NFATC1: variants seen among roughly 807,000 people sequenced by gnomAD.
NFATC1 encodes the protein nuclear factor of activated T cells 1, also known as nuclear factor of activated T-cells, cytoplasmic 1.
NFATC1 carries 22 observed loss-of-function variants against 76.0 expected under a neutral mutation model. The observed-to-expected ratio is 0.29, with a 90% CI of 0.21 to 0.41. The LOEUF (loss-of-function observed/expected upper bound fraction) is 0.41, where lower values mean the gene tolerates loss of function less well. Among genes scored for constraint, NFATC1 ranks in the 10% least tolerant of loss-of-function variants. NFATC1 has a pLI of 1.00. For synonymous variants in NFATC1, 704 were observed against 613.1 expected (o/e 1.15, Z -2.19); for missense variants, 1,357 against 1,337.7 (o/e 1.01, Z -0.23).
intron 8 of NFATC1, among the ~76,000 whole-genome samples, chr18:79,478,376 G>T (rs528238288): frequency 5.3e-5 from 8 of 152,142 alleles, no homozygotes; most frequent in African/African-American, 1.9e-4. Flanking sequence ...AGGGGACTAC[G>T]TTGGGAGGAG....
chr18:79,481,674 CATAGA>C (rs2089276041), intron 8 of NFATC1, among the ~76,000 whole-genome samples: 1 of 152,256 alleles, frequency 6.6e-6, no homozygotes, highest in Non-Finnish European at 1.5e-5. Context: ...GACTGAGAGC[CATAGA>C]CCCTCGTGAG....
At position 79,414,221 on chromosome 18, in the gene NFATC1, G is replaced by C. The variant is rs148038169; in HGVS notation, c.1226+2720G>C. The stretch of plus-strand genomic sequence containing the variant: ...TCCGTCGGTCACATGCAGCAGCTCT[G>C]GCAGGCGTGGAAAATGTCACCAGGA... On this transcript the variant is annotated intron_variant, in intron 2 of 9. Transcript: ENST00000427363. Among the ~76,000 whole-genome samples the C allele has an allele frequency of 1.9e-4, 29 of 152,232 alleles. No individual in the cohort carries two copies. In the East Asian group the frequency reaches 5.6e-3, roughly 29 times the overall value.
intron 7 of NFATC1, among the ~76,000 whole-genome samples, chr18:79,463,611 C>T (rs1477428728): frequency 1.3e-5 from 2 of 152,250 alleles, no homozygotes; most frequent in Non-Finnish European, 2.9e-5. Context: ...GGGTCATTGC[C>T]AGGCCTCCCC....
chr18:79,522,868 G>GA (rs1009272930), intron 9 of NFATC1, among the ~76,000 whole-genome samples: 3 of 152,204 alleles, frequency 2.0e-5, no homozygotes, highest in Non-Finnish European at 2.9e-5. Flanking sequence ...AGTACTGAAA[G>GA]AAAAAACACA....
chr18:79,398,790 C>T (rs936100832), intron 1 of NFATC1, among the ~76,000 whole-genome samples: 6 of 152,226 alleles, frequency 3.9e-5, no homozygotes, highest in African/African-American at 4.8e-5. Flanking sequence ...ATGTACAGGC[C>T]GGGCGCCGCG....
intron 9 of NFATC1, among the ~76,000 whole-genome samples, chr18:79,512,065 C>T (rs1296035010): frequency 6.6e-6 from 1 of 152,130 alleles, no homozygotes. Context: ...TCCTTGTCTC[C>T]GGCCCAAGCG....
intron 9 of NFATC1, among the ~76,000 whole-genome samples, chr18:79,501,655 C>G (rs1377705206): frequency 8.4e-6 from 1 of 118,412 alleles, no homozygotes; most frequent in Non-Finnish European, 1.6e-5. Context: ...ACTGTTAAAA[C>G]TACCAAACAA....
intron 6 of NFATC1, among the ~76,000 whole-genome samples, chr18:79,452,902 C>G (rs2087534108): frequency 1.3e-5 from 2 of 152,196 alleles, no homozygotes; most frequent in African/African-American, 4.8e-5. Flanking sequence ...CCCTGGAAAC[C>G]GCGGAGGCAT....
At chr18:79,477,733 T>C (rs1487195525) in intron 8 of NFATC1, among the ~76,000 whole-genome samples, 5 of 152,180 alleles carry the variant, frequency 3.3e-5, no homozygotes, top group Non-Finnish European at 7.3e-5. Flanking sequence ...CAACAGACAT[T>C]GATTTCTCAC....
chr18:79,469,834 T>TC (rs1488303209), intron 8 of NFATC1: 1 of 984,188 alleles, frequency 1.0e-6, no homozygotes, highest in Non-Finnish European at 1.2e-6. Context: ...CCCCAGGGGC[T>TC]CCCCGGCTCC....
At chr18:79,503,353 A>G (rs1180928938) in intron 9 of NFATC1, among the ~76,000 whole-genome samples, 3 of 152,216 alleles carry the variant, frequency 2.0e-5, no homozygotes, top group Non-Finnish European at 4.4e-5. Context: ...TGACGCTCAC[A>G]CTGTACTGAG....
intron 9 of NFATC1, among the ~76,000 whole-genome samples, chr18:79,494,030 C>A (rs969116213): frequency 1.3e-5 from 2 of 152,224 alleles, no homozygotes; most frequent in African/African-American, 2.4e-5. Context: ...GGAGCCCACC[C>A]TGTGACGTGC....
intron 8 of NFATC1, among the ~76,000 whole-genome samples, chr18:79,475,978 G>A (rs981999733): frequency 1.3e-5 from 2 of 152,236 alleles, no homozygotes; most frequent in African/African-American, 2.4e-5. Context: ...CTCAGCATCC[G>A]ACGGGCGCAC....
chr18:79,516,015 CGGAA>C (rs1258640439), intron 9 of NFATC1: 2 of 151,240 alleles, frequency 1.3e-5, no homozygotes, highest in Non-Finnish European at 2.9e-5. Flanking sequence ...CGGTGGGGGG[CGGAA>C]GGACAGCCTG....
At chr18:79,415,717 G>T (rs959385700) in intron 2 of NFATC1, among the ~76,000 whole-genome samples, 2 of 152,144 alleles carry the variant, frequency 1.3e-5, no homozygotes, top group African/African-American at 4.8e-5. Flanking sequence ...CTTAGAGTCC[G>T]CTTGGTTTCA....
chr18:79,492,490 A>T (rs2145093145), intron 9 of NFATC1, among the ~76,000 whole-genome samples: 1 of 152,206 alleles, frequency 6.6e-6, no homozygotes, highest in Non-Finnish European at 1.5e-5. Flanking sequence ...CGGGTGGATC[A>T]CGAGGCCAGA....
intron 9 of NFATC1, among the ~76,000 whole-genome samples, chr18:79,500,722 C>T (rs966810265): frequency 1.3e-5 from 2 of 152,102 alleles, no homozygotes; most frequent in African/African-American, 4.8e-5. Flanking sequence ...ATACTATAAC[C>T]TTATGCCAAC....
rs755428219 is a variant in NFATC1, at chr18:79,411,142, C to T, written c.867C>T (p.Gly289=). Residue 289 remains glycine (G), a synonymous_variant, in exon 2 of 10, where the codon GGC becomes GGT. Transcript: ENST00000427363. ...ACTCGCCCACGCCGTCCCCGCACGG[C>T]TCCCCGCGGGTCAGCGTGACCGACG... ...PHHSPTPSPH[G]SPRVSVTDDS... is the part of the protein sequence containing the mutation. The T allele has an allele frequency of 6.2e-7, 1 of 1,612,368 alleles. No homozygotes were observed. Among genetic ancestry groups the T allele is most frequent in the Non-Finnish European group, 8.5e-7 (1 of 1,179,790 alleles).
chr18:79,495,033 C>T lies in NFATC1; in HGVS notation c.2782+8096C>T, dbSNP rs765905267. ...AGCATGGAGCCCATGGCTGGAGAAC[C>T]CTGGGGCAGCTGCAGTGGCAAGTCT... On this transcript the variant is annotated intron_variant, in intron 9 of 9. Transcript: ENST00000427363. Among the ~76,000 whole-genome samples, 37 of 152,252 alleles carry T rather than the reference C, an allele frequency of 2.4e-4. 1 individual carries two copies. Among genetic ancestry groups the T allele is most frequent in the Non-Finnish European group, 1.3e-4 (9 of 68,038 alleles).
Sources: gnomAD v4.1 joint callset for allele counts (sites outside exome capture counted in the v4.1 genomes callset) on GRCh38, gnomAD v4.1.1 for gene constraint, MANE v1.5 for transcripts, NCBI Gene and HGNC (gene_info 2026-07-23, HGNC 2026-07-21) for gene names.